Variants in SUPV3L1 observed in about 807,000 individuals in gnomAD.
SUPV3L1 encodes ATP-dependent RNA helicase SUPV3L1, mitochondrial.
A neutral mutation model predicts 70.0 loss-of-function variants in SUPV3L1; 35 were observed. The ratio of observed to expected loss-of-function variants is 0.50; its 90% CI spans 0.38 to 0.66. The LOEUF (loss-of-function observed/expected upper bound fraction) is 0.66, where lower values mean the gene tolerates loss of function less well. Among genes scored for constraint, SUPV3L1 ranks in the 30% least tolerant of loss-of-function variants. The pLI is 0.00. For synonymous variants in SUPV3L1, 364 were observed against 341.9 expected (o/e 1.06, Z -0.71); for missense variants, 777 against 961.5 (o/e 0.81, Z 2.54).
At chr10:69,202,102 G>A (rs1365795917) in intron 11 of SUPV3L1, among the ~76,000 whole-genome samples, 3 of 152,066 alleles carry the variant, frequency 2.0e-5, no homozygotes, top group Non-Finnish European at 1.5e-5. Context: ...GCCTCCCAAA[G>A]TGCTGGGATT....
chr10:69,191,209 TA>T lies in SUPV3L1; in HGVS notation c.742-442del, dbSNP rs1842384585. On this transcript the variant is annotated intron_variant, in intron 5 of 14. Transcript: ENST00000359655. ...GGCTCTTATTTTACTTTATTTTTTA[TA>T]AAAGGGAAAAAAGCATTGGGAATTT... is the stretch of plus-strand genomic sequence containing the variant. Among the ~76,000 whole-genome samples, 7 of 149,524 alleles carry T rather than the reference TA, an allele frequency of 4.7e-5. No individual in the cohort carries two copies. In the South Asian group the frequency reaches 1.3e-3, roughly 27 times the overall value.
chr10:69,198,968 GAAAT>G (rs1842614284), intron 9 of SUPV3L1, 132 bp from the exon 10 acceptor site: 1 of 657,844 alleles, frequency 1.5e-6, no homozygotes, highest in African/African-American at 1.9e-5. Context: ...AGGATATAAA[GAAAT>G]AAAGTTTGAA....
intron 12 of SUPV3L1, 136 bp downstream of exon 12, chr10:69,202,655 AT>A: frequency 4.5e-6 from 5 of 1,121,060 alleles, no homozygotes; most frequent in Non-Finnish European, 5.0e-6. Flanking sequence ...ACAAGTGAAA[AT>A]TTTTTCTCAA....
intron 4 of SUPV3L1, 142 bp downstream of exon 4, chr10:69,187,898 G>T (rs1842276091): frequency 1.7e-6 from 1 of 599,856 alleles, no homozygotes; most frequent in East Asian, 2.9e-5. Flanking sequence ...AAAAGAGGCA[G>T]TTAACTCTTT....
At chr10:69,190,802 T>G (rs1842370559) in intron 5 of SUPV3L1, among the ~76,000 whole-genome samples, 1 of 152,198 alleles carries the variant, frequency 6.6e-6, no homozygotes, top group Admixed American at 6.5e-5. Context: ...AGTTTGGATG[T>G]GTCTGGTGTT....
chr10:69,203,332 T>G (rs941364654), intron 13 of SUPV3L1, among the ~76,000 whole-genome samples: 17 of 152,118 alleles, frequency 1.1e-4, no homozygotes, highest in Admixed American at 1.1e-3. Context: ...ACAGGATTCC[T>G]GGGGGCCAGG....
Position 69,202,972 on chromosome 10 carries a change from C to T in SUPV3L1, c.1705C>T (p.Arg569Ter), listed in dbSNP as rs781745108. 2 of 1,614,020 alleles carry T rather than the reference C, an allele frequency of 1.2e-6. No homozygotes were observed. Among genetic ancestry groups the T allele is most frequent in the South Asian group, 1.1e-5 (1 of 91,074 alleles). Reference protein sequence around the residue: ...ELIQHIPLSLRVRYVFCTAPI... With the variant: ...ELIQHIPLSL ...GATCCAGCATATTCCACTAAGTCTG[C>T]GAGTGAGGTATGTTTTCTGCACAGC... The change falls in exon 13 of 15, where the codon CGA becomes TGA. Residue 569 changes from arginine (R) to a stop codon, truncating the protein, a stop_gained. Coordinates refer to ENST00000359655, the MANE Select transcript of SUPV3L1 (RefSeq NM_003171.5). LOFTEE classifies it high-confidence loss of function.
intron 4 of SUPV3L1, among the ~76,000 whole-genome samples, chr10:69,188,466 T>C (rs1048334610): frequency 6.6e-6 from 1 of 151,808 alleles, no homozygotes; most frequent in Admixed American, 6.6e-5. Flanking sequence ...CCCACACATT[T>C]ATTGCATGTA....
At position 69,182,743 on chromosome 10, in the gene SUPV3L1, A is replaced by G. The variant is rs528937834; in HGVS notation, c.271+2181A>G. 7.0e-5 allele frequency: 64 copies of G among 918,808 alleles called. No individual in the cohort carries two copies. In the South Asian group the frequency reaches 3.1e-3, roughly 44 times the overall value. The allele number at this position is 918,808 out of a possible 1,614,324, so 56.9% of individuals were successfully genotyped here. A position where few individuals can be genotyped will look rare whatever the true frequency, so the allele number is the denominator to read the frequency against. On this transcript the variant is annotated intron_variant, in intron 1 of 14. Coordinates refer to ENST00000359655, the MANE Select transcript of SUPV3L1 (RefSeq NM_003171.5). ...AGCATGGCAGGAGGGGCTACAGAAG[A>G]TGGTGCATTACTACACTCTGATATA...
rs893852544 is a variant in SUPV3L1, at chr10:69,182,109, C to A, written c.271+1547C>A. 3.3e-5 allele frequency among the ~76,000 whole-genome samples: 5 copies of A among 151,858 alleles called. No homozygotes were observed. The South Asian group carries it at 1.0e-3, about 32-fold the overall frequency. ...TCCCAGACTCAAGCAATCCTCCTGG[C>A]TCAGCCTTCTAAGTAGCTAGGAATA... On this transcript the variant is annotated intron_variant, in intron 1 of 14. Coordinates refer to ENST00000359655, the MANE Select transcript of SUPV3L1 (RefSeq NM_003171.5).
intron 3 of SUPV3L1, 62 bp downstream of exon 3, chr10:69,186,612 C>A: frequency 7.2e-7 from 1 of 1,386,572 alleles, no homozygotes; most frequent in Non-Finnish European, 1.0e-6. Context: ...TCTCATACTT[C>A]ATGCTCATTT....
chr10:69,201,978 T>G (rs369930104), intron 11 of SUPV3L1, among the ~76,000 whole-genome samples: 9 of 151,928 alleles, frequency 5.9e-5, no homozygotes, highest in African/African-American at 2.2e-4. Flanking sequence ...GTAGCTGGGA[T>G]TACAGGCACG....
intron 11 of SUPV3L1, among the ~76,000 whole-genome samples, chr10:69,201,901 C>T (rs539780307): frequency 1.4e-5 from 2 of 144,670 alleles, no homozygotes; most frequent in African/African-American, 2.6e-5. Flanking sequence ...AGTGCAGTGG[C>T]GCGATCTCGG....
rs370698537 is a variant in SUPV3L1 at position 69,197,001 on chromosome 10, C to T, written c.941C>T (p.Ala314Val). 4 of 1,614,000 alleles carry T rather than the reference C, an allele frequency of 2.5e-6. No homozygotes were observed. In the African/African-American group the frequency reaches 5.3e-5, roughly 22 times the overall value. ...AGTTTTGCATTGACAGGACTGTGTG[C>T]TGAAGAGGTTCATTTGTGTGGAGAA... is the stretch of plus-strand genomic sequence containing the variant. ...AWTRALLGLC[A>V]EEVHLCGEPA... The change falls in exon 8 of 15, where the codon GCT becomes GTT. Residue 314 changes from alanine (A) to valine (V), a missense_variant. By Grantham distance (64) the Ala-to-Val change is moderately conservative. Transcript: ENST00000359655.
chr10:69,192,177 A>T (rs1842416088), intron 6 of SUPV3L1: 2 of 154,410 alleles, frequency 1.3e-5, no homozygotes, highest in African/African-American at 4.8e-5. Context: ...AAAAAATTTT[A>T]AAATCTAGAA....
intron 11 of SUPV3L1, among the ~76,000 whole-genome samples, chr10:69,202,029 C>T (rs933049465): frequency 3.0e-4 from 45 of 151,234 alleles, no homozygotes; most frequent in African/African-American, 9.0e-4. Context: ...TTAGTAGAGA[C>T]GGGGTTTCAC....
intron 13 of SUPV3L1, among the ~76,000 whole-genome samples, chr10:69,205,213 A>C (rs966692900): frequency 6.6e-6 from 1 of 152,242 alleles, no homozygotes; most frequent in Non-Finnish European, 1.5e-5. Flanking sequence ...CTTAGCTAGC[A>C]TAAGGTTGAA....
chr10:69,198,862 CTG>C (rs1186277807), intron 9 of SUPV3L1, among the ~76,000 whole-genome samples: 2 of 152,156 alleles, frequency 1.3e-5, no homozygotes, highest in Admixed American at 6.5e-5. Flanking sequence ...GTCCTGAAAT[CTG>C]TGTCCTCAGG....
At chr10:69,189,222 AT>A in intron 4 of SUPV3L1, 44 bp from the exon 5 acceptor site, 1 of 1,552,224 alleles carries the variant, frequency 6.4e-7, no homozygotes, top group Admixed American at 1.9e-5. Context: ...GCCAGGATGG[AT>A]TTTGAGGTTA....
Sources: allele counts gnomAD v4.1 joint callset (sites outside exome capture counted in the v4.1 genomes callset), GRCh38; gene constraint gnomAD v4.1.1; transcripts MANE v1.5; gene names NCBI Gene and HGNC (gene_info 2026-07-23, HGNC 2026-07-21).